MTUS2: variants seen among roughly 807,000 people sequenced by gnomAD.
MTUS2 encodes the protein microtubule associated scaffold protein 2.
In MTUS2, 40 loss-of-function variants were observed where a neutral mutation model predicts 114.1. That is an observed-to-expected ratio of 0.35 (90% CI 0.27 to 0.46). The LOEUF is 0.46. Among genes scored for constraint, MTUS2 ranks in the 20% least tolerant of loss-of-function variants. The pLI, the probability that MTUS2 is intolerant of heterozygous loss-of-function variation, is 1.00. For synonymous variants in MTUS2, 688 were observed against 672.0 expected (o/e 1.02, Z -0.37); for missense variants, 1,679 against 1,705.4 (o/e 0.98, Z 0.27).
At chr13:28,934,849 A>T (rs1881804949) in intron 2 of MTUS2, among the ~76,000 whole-genome samples, 1 of 152,140 alleles carries the variant, frequency 6.6e-6, no homozygotes, top group Non-Finnish European at 1.5e-5. Context: ...AAGCATACAT[A>T]TCTTACATGT....
At chr13:29,376,916 A>G (rs1871797636) in intron 8 of MTUS2, among the ~76,000 whole-genome samples, 1 of 151,384 alleles carries the variant, frequency 6.6e-6, no homozygotes, top group African/African-American at 2.4e-5. Context: ...CGTAAGTTCA[A>G]AGTGAAAGGA....
chr13:29,355,942 T>C (rs998631803), intron 7 of MTUS2, among the ~76,000 whole-genome samples: 1 of 152,152 alleles, frequency 6.6e-6, no homozygotes, highest in East Asian at 1.9e-4. Context: ...CTAATATCCA[T>C]TTCCTAGTTC....
chr13:29,324,408 C>G (rs1284081599), intron 6 of MTUS2, among the ~76,000 whole-genome samples: 1 of 152,154 alleles, frequency 6.6e-6, no homozygotes, highest in Non-Finnish European at 1.5e-5. Context: ...TCTCCCCTGA[C>G]CACTCAAAAC....
chr13:29,234,014 A>G (rs778285710), intron 5 of MTUS2, among the ~76,000 whole-genome samples: 3 of 152,220 alleles, frequency 2.0e-5, no homozygotes, highest in Admixed American at 2.0e-4. Context: ...TGGGAAAATC[A>G]GCAGTTATTC....
At chr13:29,397,162 T>A (rs1873967997) in intron 8 of MTUS2, among the ~76,000 whole-genome samples, 1 of 152,106 alleles carries the variant, frequency 6.6e-6, no homozygotes, top group East Asian at 1.9e-4. Flanking sequence ...TCCTTGACCT[T>A]CTTAACTCCA....
At chr13:29,324,154 C>T (rs1023031762) in intron 6 of MTUS2, among the ~76,000 whole-genome samples, 2 of 152,200 alleles carry the variant, frequency 1.3e-5, no homozygotes, top group Non-Finnish European at 2.9e-5. Flanking sequence ...TAATTAGAGT[C>T]AGACCATGTC....
At chr13:28,851,172 G>A (rs1349206474) in intron 2 of MTUS2, among the ~76,000 whole-genome samples, 3 of 152,176 alleles carry the variant, frequency 2.0e-5, no homozygotes, top group African/African-American at 7.2e-5. Flanking sequence ...CTTTACTTAT[G>A]TTGGTATAGG....
intron 6 of MTUS2, among the ~76,000 whole-genome samples, chr13:29,322,454 A>G (rs1278580586): frequency 6.6e-6 from 1 of 152,068 alleles, no homozygotes; most frequent in Admixed American, 6.6e-5. Context: ...GCCTGGGCAG[A>G]CCTCCTGGAA....
At chr13:29,371,987 C>CCAA (rs1871231739) in intron 8 of MTUS2, among the ~76,000 whole-genome samples, 1 of 43,436 alleles carries the variant, frequency 2.3e-5, no homozygotes, top group African/African-American at 8.0e-5. Context: ...CCCCCCCCCC[C>CCAA]ACACACACAC....
At chr13:29,469,894 A>G (rs145907047) in intron 9 of MTUS2, among the ~76,000 whole-genome samples, 6 of 152,182 alleles carry the variant, frequency 3.9e-5, no homozygotes, top group South Asian at 2.1e-4. Flanking sequence ...CACTCCTGAC[A>G]TGGATTAGGG....
At chr13:28,990,971 C>T (rs1566274592) in intron 2 of MTUS2, among the ~76,000 whole-genome samples, 2 of 152,150 alleles carry the variant, frequency 1.3e-5, no homozygotes, top group African/African-American at 2.4e-5. Flanking sequence ...ACGAGGTCTG[C>T]GGCTTCATTC....
chr13:29,147,015 G>A (rs1892463677), intron 5 of MTUS2, among the ~76,000 whole-genome samples: 1 of 152,144 alleles, frequency 6.6e-6, no homozygotes, highest in African/African-American at 2.4e-5. Context: ...AACAGCAGTT[G>A]TTGCAAATAT....
chr13:29,176,318 G>C (rs980756896), intron 5 of MTUS2, among the ~76,000 whole-genome samples: 1 of 152,118 alleles, frequency 6.6e-6, no homozygotes, highest in Non-Finnish European at 1.5e-5. Context: ...CCTGGTTCAT[G>C]TTCTGTCCTC....
chr13:28,945,209 T>G (rs913078387), intron 2 of MTUS2, among the ~76,000 whole-genome samples: 4 of 148,820 alleles, frequency 2.7e-5, no homozygotes, highest in Admixed American at 2.7e-4. Flanking sequence ...CACATTTTCT[T>G]TATCCAGTCG....
At chr13:28,873,246 A>C (rs570302277) in intron 2 of MTUS2, among the ~76,000 whole-genome samples, 1 of 152,314 alleles carries the variant, frequency 6.6e-6, no homozygotes, top group African/African-American at 2.4e-5. Flanking sequence ...CCATGGGGGA[A>C]AATTTTCTTC....
At chr13:28,979,172 T>C (rs1285160806) in intron 2 of MTUS2, among the ~76,000 whole-genome samples, 2 of 152,188 alleles carry the variant, frequency 1.3e-5, no homozygotes, top group African/African-American at 4.8e-5. Flanking sequence ...TTGTTTTAAG[T>C]AGGTAGCGTG....
At chr13:28,852,914 T>TACATACATACATACAC (rs1326654951) in intron 2 of MTUS2, among the ~76,000 whole-genome samples, 6 of 149,022 alleles carry the variant, frequency 4.0e-5, no homozygotes, top group Admixed American at 1.4e-4. Flanking sequence ...CATACATACA[T>TACATACATACATACAC]ACATACATAC....
intron 5 of MTUS2, among the ~76,000 whole-genome samples, chr13:29,162,762 T>A (rs892864511): frequency 6.6e-6 from 1 of 152,256 alleles, no homozygotes; most frequent in Non-Finnish European, 1.5e-5. Context: ...CAAAGCACTT[T>A]CAGTGACTGC....
chr13:29,035,499 G>A (rs1291092206), intron 4 of MTUS2, among the ~76,000 whole-genome samples: 1 of 152,210 alleles, frequency 6.6e-6, no homozygotes, highest in Non-Finnish European at 1.5e-5. Context: ...CCGATTGCAG[G>A]CAGCAGGCCC....
Sources: gnomAD v4.1 joint callset for allele counts (sites outside exome capture counted in the v4.1 genomes callset) on GRCh38, gnomAD v4.1.1 for gene constraint, MANE v1.5 for transcripts, NCBI Gene and HGNC (gene_info 2026-07-23, HGNC 2026-07-21) for gene names.